CENPW: variants seen among roughly 807,000 people sequenced by gnomAD.
CENPW encodes cancer-up-regulated gene 2 protein.
CENPW carries 3 observed loss-of-function variants against 11.1 expected under a neutral mutation model. The ratio of observed to expected loss-of-function variants is 0.27; its 90% CI spans 0.12 to 0.70. The LOEUF (loss-of-function observed/expected upper bound fraction) is 0.70. Ranked by LOEUF, CENPW falls within the 30% of genes least tolerant of loss-of-function variation. The pLI, the probability that CENPW is intolerant of heterozygous loss-of-function variation, is 0.77. For synonymous variants in CENPW, 38 were observed against 42.0 expected (o/e 0.91, Z 0.37); for missense variants, 100 against 105.6 (o/e 0.95, Z 0.23).
At chr6:126,445,630 T>C in the CENPW span, among the ~76,000 whole-genome samples, 1 of 151,158 alleles carries the variant, frequency 6.6e-6, no homozygotes, top group African/African-American at 2.4e-5. Flanking sequence ...AATAAACTCT[T>C]AACTAATTGA....
the CENPW span, among the ~76,000 whole-genome samples, chr6:126,361,415 C>T: frequency 8.5e-5 from 13 of 152,074 alleles, no homozygotes; most frequent in African/African-American, 2.9e-4. Flanking sequence ...TCTTCCTCAA[C>T]CTCCAGGGGA....
the CENPW span, among the ~76,000 whole-genome samples, chr6:126,419,584 T>C: frequency 6.6e-6 from 1 of 152,156 alleles, no homozygotes; most frequent in Non-Finnish European, 1.5e-5. Flanking sequence ...CTGCTATAAT[T>C]TACACAAACC....
At chr6:126,376,478 A>G in the CENPW span, among the ~76,000 whole-genome samples, 2 of 152,284 alleles carry the variant, frequency 1.3e-5, no homozygotes, top group African/African-American at 2.4e-5. Context: ...TAGTAACAGT[A>G]GGCCTCTCTT....
chr6:126,349,105 AT>A (rs962544412), downstream of CENPW, among the ~76,000 whole-genome samples: 1 of 152,036 alleles, frequency 6.6e-6, no homozygotes, highest in African/African-American at 2.4e-5. Context: ...TTAATAGATA[AT>A]TTTTCCCCCT....
chr6:126,386,725 A>T, the CENPW span, among the ~76,000 whole-genome samples: 1 of 151,906 alleles, frequency 6.6e-6, no homozygotes, highest in Admixed American at 6.6e-5. Context: ...CCACTGCCCT[A>T]CAAGTTAGCT....
At chr6:126,469,556 G>A in the CENPW span, among the ~76,000 whole-genome samples, 19 of 152,278 alleles carry the variant, frequency 1.2e-4, no homozygotes, top group African/African-American at 4.1e-4. Context: ...AACAACTTTG[G>A]AACTAGGTAA....
chr6:126,397,442 G>A, the CENPW span, among the ~76,000 whole-genome samples: 1 of 152,170 alleles, frequency 6.6e-6, no homozygotes, highest in African/African-American at 2.4e-5. Flanking sequence ...ATCAGGGAGA[G>A]TGGGTTCGGT....
At chr6:126,408,550 G>C in the CENPW span, among the ~76,000 whole-genome samples, 1 of 152,056 alleles carries the variant, frequency 6.6e-6, no homozygotes, top group Non-Finnish European at 1.5e-5. Flanking sequence ...TTTGGGTGGG[G>C]ACACAACCAA....
the CENPW span, among the ~76,000 whole-genome samples, chr6:126,423,165 T>A: frequency 6.6e-6 from 1 of 152,156 alleles, no homozygotes; most frequent in African/African-American, 2.4e-5. Flanking sequence ...GTAGAATTTT[T>A]TTTTTAATCT....
At chr6:126,421,747 T>C in the CENPW span, among the ~76,000 whole-genome samples, 3 of 152,108 alleles carry the variant, frequency 2.0e-5, no homozygotes, top group Non-Finnish European at 2.9e-5. Flanking sequence ...TCAAAGATTG[T>C]AGCCGAATGA....
chr6:126,399,596 A>G, the CENPW span, among the ~76,000 whole-genome samples: 1 of 152,020 alleles, frequency 6.6e-6, no homozygotes, highest in Admixed American at 6.6e-5. Flanking sequence ...CCTTAAATAT[A>G]CACAATTTTT....
chr6:126,426,196 G>T, the CENPW span, among the ~76,000 whole-genome samples: 2 of 152,152 alleles, frequency 1.3e-5, no homozygotes, highest in East Asian at 3.9e-4. Context: ...ATAGTTAGAT[G>T]TTAGCTCTGT....
the CENPW span, among the ~76,000 whole-genome samples, chr6:126,417,970 T>C: frequency 1.3e-5 from 2 of 152,124 alleles, no homozygotes; most frequent in South Asian, 2.1e-4. Flanking sequence ...CTAAAGAAAA[T>C]ATAAAAATGG....
chr6:126,427,043 C>G, the CENPW span, among the ~76,000 whole-genome samples: 1 of 152,092 alleles, frequency 6.6e-6, no homozygotes, highest in Non-Finnish European at 1.5e-5. Flanking sequence ...CTGTACTATC[C>G]TTTTTGCACA....
At chr6:126,352,173 T>C (rs1346477048), downstream of CENPW, among the ~76,000 whole-genome samples, 4 of 152,150 alleles carry the variant, frequency 2.6e-5, no homozygotes, top group Non-Finnish European at 5.9e-5. Context: ...CAGGCACACA[T>C]GTGCTGCTTA....
the CENPW span, among the ~76,000 whole-genome samples, chr6:126,365,326 T>C: frequency 6.6e-6 from 1 of 152,212 alleles, no homozygotes; most frequent in Non-Finnish European, 1.5e-5. Context: ...GGGTAATTTA[T>C]AAGAAAAGAG....
chr6:126,420,286 A>G, the CENPW span, among the ~76,000 whole-genome samples: 1 of 152,228 alleles, frequency 6.6e-6, no homozygotes, highest in East Asian at 1.9e-4. Flanking sequence ...TACAAGTAGG[A>G]ATGGGAGAGA....
the CENPW span, among the ~76,000 whole-genome samples, chr6:126,473,648 G>T: frequency 4.6e-5 from 7 of 151,580 alleles, no homozygotes; most frequent in Admixed American, 6.6e-5. Flanking sequence ...CAAGAGATTC[G>T]CTTGAGCTTG....
downstream of CENPW, among the ~76,000 whole-genome samples, chr6:126,352,855 A>C (rs186723703): frequency 6.6e-6 from 1 of 151,628 alleles, no homozygotes; most frequent in African/African-American, 2.4e-5. Flanking sequence ...TTCTGCTTTT[A>C]TTTTCTTTTG....
Sources: gnomAD v4.1 joint callset for allele counts (sites outside exome capture counted in the v4.1 genomes callset) on GRCh38, gnomAD v4.1.1 for gene constraint, MANE v1.5 for transcripts, NCBI Gene and HGNC (gene_info 2026-07-23, HGNC 2026-07-21) for gene names.